The following SBNO1 variants were observed in gnomAD, a reference collection of about 807,000 sequenced individuals.
SBNO1 encodes the protein strawberry notch homolog 1.
In SBNO1, 23 loss-of-function variants were observed where a neutral mutation model predicts 173.6. The ratio of observed to expected loss-of-function variants is 0.13; its 90% CI spans 0.10 to 0.19. SBNO1 has a LOEUF of 0.19. Among genes scored for constraint, SBNO1 ranks in the 10% least tolerant of loss-of-function variants. The pLI is 1.00. For missense variants in SBNO1, 1,238 were observed against 1,671.2 expected (o/e 0.74, Z 4.52); for synonymous variants, 632 against 571.5 (o/e 1.11, Z -1.51).
rs2048497704 is a variant in SBNO1, at chr12:123,290,690, G to T, written c.*5218C>A. ...AGTCAGCCTAGGAGGCTCCAGAGCA[G>T]TTGCTTGGCTCTCTTTTGGAGGACA... On this transcript the variant is annotated 3_prime_UTR_variant, in exon 32 of 32. Transcript: ENST00000602398. The T allele has an allele frequency of 6.6e-6, 1 of 152,132 alleles. No homozygotes were observed. 9.4% of individuals were successfully genotyped at this position (152,132 alleles called of 1,614,324 possible). A position where few individuals can be genotyped will look rare whatever the true frequency, so the allele number is the denominator to read the frequency against.
intron 3 of SBNO1, among the ~76,000 whole-genome samples, chr12:123,345,838 T>A (rs1264387255): frequency 6.6e-6 from 1 of 152,132 alleles, no homozygotes; most frequent in Non-Finnish European, 1.5e-5. Context: ...CCCGGCAAAT[T>A]TTTTTTAGAG....
At position 123,299,693 on chromosome 12, in the gene SBNO1, A is replaced by AAC. The variant is rs1555244084; in HGVS notation, c.3846-1523_3846-1522insGT. Among the ~76,000 whole-genome samples, 139 of 150,970 alleles carry AAC rather than the reference A, an allele frequency of 9.2e-4. 3 individuals are homozygous for AAC. The highest frequency in any genetic ancestry group is 1.3e-4 in the Non-Finnish European group (9 of 67,674). On this transcript the variant is annotated intron_variant, in intron 30 of 31. Coordinates refer to ENST00000602398, the MANE Select transcript of SBNO1 (RefSeq NM_001167856.3). ...AAGACTCTGTCTTCAAAAAAAAAAA[A>AAC]AAAAAACAAAAAAGCCAAGTGTGTT... is the stretch of plus-strand genomic sequence containing the variant.
intron 2 of SBNO1, among the ~76,000 whole-genome samples, chr12:123,349,434 T>C (rs532402691): frequency 5.3e-5 from 8 of 152,208 alleles, no homozygotes; most frequent in Non-Finnish European, 8.8e-5. Flanking sequence ...AGAGAATGTA[T>C]ATAATGAAAT....
Position 123,322,257 on chromosome 12 carries a change from C to T in SBNO1, c.2126-525G>A, listed in dbSNP as rs1465731993. On this transcript the variant is annotated intron_variant, in intron 16 of 31. Coordinates refer to ENST00000602398, the MANE Select transcript of SBNO1 (RefSeq NM_001167856.3). ...ATGTGATCCTCCCACCTCAGCCTCCCAAGTACCTGGGACTACAGGCACATG... is the reference window on the plus strand; with the variant it reads ...ATGTGATCCTCCCACCTCAGCCTCCTAAGTACCTGGGACTACAGGCACATG... 5.9e-5 allele frequency among the ~76,000 whole-genome samples: 9 copies of T among 152,214 alleles called. No homozygotes were observed. In the South Asian group the frequency reaches 1.7e-3, roughly 28 times the overall value.
rs1593308262 is a variant in SBNO1 at position 123,290,326 on chromosome 12, G to C, written c.*5582C>G. The C allele has an allele frequency of 6.6e-6, 1 of 152,316 alleles. No individual in the cohort carries two copies. Among genetic ancestry groups the C allele is most frequent in the Middle Eastern group, 3.4e-3 (1 of 294 alleles). 9.4% of individuals were successfully genotyped at this position (152,316 alleles called of 1,614,324 possible). On this transcript the variant is annotated 3_prime_UTR_variant, in exon 32 of 32. Transcript: ENST00000602398. ...TTACATTTTTCACCAAGTCTACCAA[G>C]TTGAATAGTAATGAATGAAACTTGT...
chr12:123,312,634 C>T lies in SBNO1; in HGVS notation c.3220+986G>A, dbSNP rs1868727557. 2.0e-5 allele frequency among the ~76,000 whole-genome samples: 3 copies of T among 151,870 alleles called. No homozygotes were observed. In the South Asian group the frequency reaches 6.2e-4, roughly 32 times the overall value. ...GGTTCAGGGAGGAGAACCCTTTGAA[C>T]CTGGTGGCGGAGGTTGCACTGAGCC... On this transcript the variant is annotated intron_variant, in intron 24 of 31. Coordinates refer to ENST00000602398, the MANE Select transcript of SBNO1 (RefSeq NM_001167856.3).
intron 4 of SBNO1, among the ~76,000 whole-genome samples, chr12:123,341,972 A>T (rs1022717885): frequency 1.1e-4 from 17 of 151,560 alleles, no homozygotes; most frequent in Non-Finnish European, 2.2e-4. Context: ...AAGATACCCA[A>T]AAGCCAGCAT....
chr12:123,308,998 A>T (rs924573675), intron 28 of SBNO1, among the ~76,000 whole-genome samples: 6 of 152,110 alleles, frequency 3.9e-5, no homozygotes, highest in African/African-American at 1.2e-4. Context: ...GCTACTCGGG[A>T]GGCAGAGGAT....
At chr12:123,309,077 GA>G (rs1168918115) in intron 28 of SBNO1, among the ~76,000 whole-genome samples, 1 of 99,362 alleles carries the variant, frequency 1.0e-5, no homozygotes, top group Admixed American at 1.1e-4. Flanking sequence ...GTCTCAGAAA[GA>G]AAAAAAAAGA....
chr12:123,303,513 G>T (rs2048843389), intron 29 of SBNO1, among the ~76,000 whole-genome samples: 1 of 151,700 alleles, frequency 6.6e-6, no homozygotes, highest in Admixed American at 6.6e-5. Flanking sequence ...AGCCAGGTGT[G>T]TGGCACATGC....
intron 1 of SBNO1, among the ~76,000 whole-genome samples, chr12:123,358,876 A>G (rs754265078): frequency 1.3e-5 from 2 of 152,038 alleles, no homozygotes; most frequent in African/African-American, 4.8e-5. Flanking sequence ...CTGTTCCAGT[A>G]CTTTTCAAAC....
chr12:123,311,748 ATT>A (rs148426880), intron 24 of SBNO1, among the ~76,000 whole-genome samples: 174 of 134,382 alleles, frequency 1.3e-3, no homozygotes, highest in Middle Eastern at 8.8e-3. Flanking sequence ...ATATATATAT[ATT>A]TTTGCGACAG....
intron 5 of SBNO1, among the ~76,000 whole-genome samples, chr12:123,338,314 A>T (rs1593387957): frequency 1.6e-3 from 1 of 624 alleles, no homozygotes; most frequent in South Asian, 0.042. Context: ...GCACTTGGGC[A>T]AGCAGGGGTG....
intron 1 of SBNO1, among the ~76,000 whole-genome samples, chr12:123,354,751 G>A (rs1282711487): frequency 6.6e-6 from 1 of 152,158 alleles, no homozygotes; most frequent in Non-Finnish European, 1.5e-5. Context: ...TTAGGTACAA[G>A]AGAACTGTGT....
At position 123,343,226 on chromosome 12, in the gene SBNO1, T is replaced by C. The variant is rs188865373; in HGVS notation, c.550+2032A>G. ...CCAGCCTGGGCGATGGAATGAGACT[T>C]CGTCTCACAAAAAAATAAAAAATAA... On this transcript the variant is annotated intron_variant, in intron 4 of 31. Coordinates refer to ENST00000602398, the MANE Select transcript of SBNO1 (RefSeq NM_001167856.3). Among the ~76,000 whole-genome samples, 180 of 152,274 alleles carry C rather than the reference T, an allele frequency of 1.2e-3. 3 individuals are homozygous for C. The East Asian group carries it at 0.027, about 23-fold the overall frequency.
rs1869386799 is a variant in SBNO1 at position 123,317,156 on chromosome 12, T to C, written c.2935+65A>G. The C allele has an allele frequency of 5.8e-6, 9 of 1,563,078 alleles. No homozygotes were observed. The Admixed American group carries it at 1.0e-4, about 18-fold the overall frequency. ...CCCGGCCTAAACCTAGGTTTTGGTA[T>C]GCGCAAATTTACCCCAATGATTCCT... On this transcript the variant is annotated intron_variant, in intron 21 of 31. Transcript: ENST00000602398.
chr12:123,331,063 C>T (rs1255169159), intron 8 of SBNO1, among the ~76,000 whole-genome samples, 179 bp downstream of exon 8: 3 of 152,020 alleles, frequency 2.0e-5, no homozygotes, highest in Admixed American at 1.3e-4. Context: ...CCAGGGTTCA[C>T]GCCATTCTCC....
rs746367953 is a variant in SBNO1 at position 123,302,848 on chromosome 12, G to A, written c.3821C>T (p.Ala1274Val). Residue 1274 changes from alanine to valine, a missense_variant, in exon 30 of 32, where the codon GCA (alanine) becomes GTA (valine). This residue lies in a region of SBNO1 where 351 missense variants were observed against 420.3 expected (regional missense o/e 0.84). Transcript: ENST00000602398. Reference protein sequence around the residue: ...MHWLDQYNSSADTCTHAYWRG... With the variant: ...MHWLDQYNSSVDTCTHAYWRG... ...CCAATAAGCATGAGTACAAGTATCTGCAGATGAATTATACTGATCTAACCA... is the reference window on the plus strand; with the variant it reads ...CCAATAAGCATGAGTACAAGTATCTACAGATGAATTATACTGATCTAACCA... The A allele has an allele frequency of 1.9e-6, 3 of 1,613,282 alleles. No homozygotes were observed. The highest frequency in any genetic ancestry group is 2.5e-6 in the Non-Finnish European group (3 of 1,179,404).
intron 21 of SBNO1, among the ~76,000 whole-genome samples, chr12:123,316,921 T>C (rs143025027): frequency 1.3e-5 from 2 of 151,990 alleles, no homozygotes; most frequent in African/African-American, 4.8e-5. Context: ...CAGGCTGGTC[T>C]CAAACTATTA....
Sources: allele counts gnomAD v4.1 joint callset (sites outside exome capture counted in the v4.1 genomes callset), GRCh38; gene constraint gnomAD v4.1.1; regional missense constraint gnomAD v4.1.1; transcripts MANE v1.5; gene names NCBI Gene and HGNC (gene_info 2026-07-23, HGNC 2026-07-21).